The following CERKL variants were observed in gnomAD, a reference collection of about 807,000 sequenced individuals.
CERKL encodes ceramide kinase-like protein.
CERKL carries 61 observed loss-of-function variants against 63.4 expected under a neutral mutation model. That is an observed-to-expected ratio of 0.96 (90% CI 0.78 to 1.19). The LOEUF is 1.19. Among genes scored for constraint, CERKL ranks in the 50% most tolerant of loss-of-function variants. CERKL has a pLI of 0.00. For synonymous variants in CERKL, 250 were observed against 230.5 expected, an observed-to-expected ratio of 1.08 and a Z score of -0.77; for missense variants, 675 against 655.5, an observed-to-expected ratio of 1.03 and a Z score of -0.33.
At chr2:181,617,801 C>G (rs1209116157) in intron 1 of CERKL, among the ~76,000 whole-genome samples, 1 of 152,118 alleles carries the variant, frequency 6.6e-6, no homozygotes, top group Non-Finnish European at 1.5e-5. Context: ...TTATAACCAG[C>G]CTTTAAGAAA....
chr2:181,650,973 G>A (rs1169340819), intron 1 of CERKL, among the ~76,000 whole-genome samples: 2 of 152,126 alleles, frequency 1.3e-5, no homozygotes, highest in Non-Finnish European at 2.9e-5. Context: ...AACCTATCAA[G>A]ATTAAGTTAG....
rs1268663219 is a variant in CERKL, at chr2:181,537,052, A to G, written c.*1132T>C. The G allele has an allele frequency of 1.3e-5, 6 of 444,670 alleles. No individual in the cohort carries two copies. The highest frequency in any genetic ancestry group is 2.7e-5 in the Non-Finnish European group (6 of 221,712). 27.5% of individuals were successfully genotyped at this position (444,670 alleles called of 1,614,324 possible). ...TTTGCGAAGGCATTTGAGTAGTGAA[A>G]TGTAAGCACAAAACCTCCTGAACCC... On this transcript the variant is annotated 3_prime_UTR_variant, in exon 13 of 13. Coordinates refer to ENST00000410087, the MANE Select transcript of CERKL (RefSeq NM_201548.5).
At position 181,537,291 on chromosome 2, in the gene CERKL, T is replaced by C. The variant is rs1445555924; in HGVS notation, c.*893A>G. 2.2e-6 allele frequency: 1 copy of C among 453,704 alleles called. No individual in the cohort carries two copies. Among genetic ancestry groups the C allele is most frequent in the African/African-American group, 2.0e-5 (1 of 50,070 alleles). 28.1% of individuals were successfully genotyped at this position (453,704 alleles called of 1,614,324 possible). ...TCAGAACTACTCAGAAACAACTATA[T>C]ATTTCAGGTTATCTGAGCACAGTGA... On this transcript the variant is annotated 3_prime_UTR_variant, in exon 13 of 13. Coordinates refer to ENST00000410087, the MANE Select transcript of CERKL (RefSeq NM_201548.5).
chr2:181,571,738 T>G (rs1195611779), intron 3 of CERKL, among the ~76,000 whole-genome samples: 1 of 152,138 alleles, frequency 6.6e-6, no homozygotes, highest in Non-Finnish European at 1.5e-5. Flanking sequence ...AGAATCCAGA[T>G]TCAGCTGAGG....
At chr2:181,547,938 TA>T in intron 8 of CERKL, 91 bp from the exon 9 acceptor site, 1 of 1,135,978 alleles carries the variant, frequency 8.8e-7, no homozygotes, top group East Asian at 2.5e-5. Context: ...ATGAGAAAAT[TA>T]GAGAACTCAT....
chr2:181,626,875 G>GTCC (rs1355223630), intron 1 of CERKL, among the ~76,000 whole-genome samples: 1 of 152,300 alleles, frequency 6.6e-6, no homozygotes, highest in African/African-American at 2.4e-5. Context: ...CCAGCACTAG[G>GTCC]TCCACATGGA....
chr2:181,579,460 A>G (rs1264309870), intron 2 of CERKL, among the ~76,000 whole-genome samples: 2 of 151,978 alleles, frequency 1.3e-5, no homozygotes, highest in Middle Eastern at 3.4e-3. Context: ...TCACTTGCCA[A>G]TTCTTCATAT....
chr2:181,540,374 T>G (rs1313544009), intron 11 of CERKL, among the ~76,000 whole-genome samples: 1 of 152,226 alleles, frequency 6.6e-6, no homozygotes, highest in African/African-American at 2.4e-5. Flanking sequence ...CCTGTTATGA[T>G]CTAAATTATA....
At chr2:181,581,905 C>T (rs780345881) in intron 2 of CERKL, among the ~76,000 whole-genome samples, 3 of 152,332 alleles carry the variant, frequency 2.0e-5, no homozygotes, top group East Asian at 1.9e-4. Flanking sequence ...ACTGCATAAG[C>T]CCTGAGGTTG....
At chr2:181,596,363 G>A (rs936759056) in intron 2 of CERKL, among the ~76,000 whole-genome samples, 4 of 152,076 alleles carry the variant, frequency 2.6e-5, no homozygotes, top group African/African-American at 9.7e-5. Context: ...TGCCACCAGG[G>A]CCCGTGAGAA....
intron 10 of CERKL, 60 bp from the exon 11 acceptor site, chr2:181,544,856 T>G: frequency 1.1e-6 from 1 of 936,128 alleles, no homozygotes; most frequent in Middle Eastern, 3.2e-4. Flanking sequence ...TACCAAAAAT[T>G]ATGACATACT....
At chr2:181,644,693 T>C (rs916528383) in intron 1 of CERKL, among the ~76,000 whole-genome samples, 3 of 152,014 alleles carry the variant, frequency 2.0e-5, no homozygotes, top group Non-Finnish European at 2.9e-5. Context: ...GAGCTTAACA[T>C]ATAATGGGGG....
rs1688287219 is a variant in CERKL at position 181,558,126 on chromosome 2, T to TTATA, written c.820+436_820+439dup. ...TTTTGGCATTCTCAAGGTTATCTGG[T>TTATA]TATACATCAATTATGCAAGTTACCA... On this transcript the variant is annotated intron_variant, in intron 5 of 12. Transcript: ENST00000410087. This position sits in a 1 kb window ranked among gnomAD's most constrained non-coding sequence, Gnocchi z 4.2. Among the ~76,000 whole-genome samples the TTATA allele has an allele frequency of 6.6e-6, 1 of 152,246 alleles. No individual in the cohort carries two copies. Among genetic ancestry groups the TTATA allele is most frequent in the Non-Finnish European group, 1.5e-5 (1 of 68,014 alleles).
At chr2:181,597,522 G>A (rs1391036864) in intron 2 of CERKL, among the ~76,000 whole-genome samples, 7 of 152,174 alleles carry the variant, frequency 4.6e-5, no homozygotes, top group Non-Finnish European at 1.0e-4. Flanking sequence ...AAGCTGGGGT[G>A]CAGAAAGGAA....
chr2:181,574,503 G>A (rs1320050706), intron 2 of CERKL, among the ~76,000 whole-genome samples: 3 of 152,184 alleles, frequency 2.0e-5, no homozygotes, highest in African/African-American at 4.8e-5. Context: ...GGAAAGCAAC[G>A]CCTCTCAGCA....
At chr2:181,548,952 A>C (rs1463605523) in intron 6 of CERKL, 95 bp from the exon 7 acceptor site, 1 of 1,107,444 alleles carries the variant, frequency 9.0e-7, no homozygotes, top group Non-Finnish European at 1.4e-6. Context: ...TTATAGGAGA[A>C]TATCTAAAGG....
chr2:181,599,835 A>G (rs1459189350), intron 2 of CERKL, among the ~76,000 whole-genome samples: 2 of 152,228 alleles, frequency 1.3e-5, no homozygotes, highest in African/African-American at 4.8e-5. Context: ...GTTAACATCC[A>G]GATACAAGAA....
intron 4 of CERKL, chr2:181,565,509 C>T (rs950153217): frequency 6.2e-6 from 10 of 1,604,060 alleles, no homozygotes; most frequent in Non-Finnish European, 7.7e-6. Context: ...TTCCGATGCC[C>T]ACTGTGAATA....
intron 2 of CERKL, among the ~76,000 whole-genome samples, chr2:181,591,871 A>G (rs140719795): frequency 2.0e-5 from 3 of 152,294 alleles, no homozygotes; most frequent in East Asian, 1.9e-4. Context: ...TGGTTTCCCA[A>G]TACTGTTCCC....
Sources: gnomAD v4.1 joint callset for allele counts (sites outside exome capture counted in the v4.1 genomes callset) on GRCh38, gnomAD v4.1.1 for gene constraint, Gnocchi (gnomAD v3.1) non-coding constraint, MANE v1.5 for transcripts, NCBI Gene and HGNC (gene_info 2026-07-23, HGNC 2026-07-21) for gene names.